RALA: variants seen among roughly 807,000 people sequenced by gnomAD.
RALA encodes the protein RAS like proto-oncogene A.
In RALA, 5 loss-of-function variants were observed where a neutral mutation model predicts 24.0. That is an observed-to-expected ratio of 0.21 (90% CI 0.11 to 0.44). RALA has a LOEUF of 0.44. Ranked by LOEUF, RALA falls within the 20% of genes least tolerant of loss-of-function variation. RALA has a pLI of 0.99. For synonymous variants in RALA, 77 were observed against 83.8 expected, an observed-to-expected ratio of 0.92 and a Z score of 0.44; for missense variants, 95 against 241.2, an observed-to-expected ratio of 0.39 and a Z score of 4.01.
chr7:39,683,965 A>G (rs1478464583), intron 1 of RALA, among the ~76,000 whole-genome samples: 1 of 152,200 alleles, frequency 6.6e-6, no homozygotes, highest in Non-Finnish European at 1.5e-5. Flanking sequence ...TAGCTGTGAC[A>G]TGATTATAAC....
In RALA at chr7:39,635,624, G is replaced by A. The variant is rs529187299; in HGVS notation, c.-38+11799G>A. On this transcript the variant is annotated intron_variant, in intron 1 of 4. Coordinates refer to ENST00000005257, the MANE Select transcript of RALA (RefSeq NM_005402.4). ...GAAGACAGTTTTTCCACGGACCAGG[G>A]GAAATGGGGAGGAGGATGGCGTTGG... Among the ~76,000 whole-genome samples the A allele has an allele frequency of 1.5e-3, 223 of 152,268 alleles. 1 individual carries two copies. Among genetic ancestry groups the A allele is most frequent in the African/African-American group, 5.3e-3 (219 of 41,546 alleles).
intron 1 of RALA, among the ~76,000 whole-genome samples, chr7:39,655,865 T>C (rs1458066771): frequency 6.6e-6 from 1 of 152,134 alleles, no homozygotes; most frequent in Non-Finnish European, 1.5e-5. Flanking sequence ...TCAAGGCATA[T>C]AAGGATTAAG....
At chr7:39,688,756 G>T (rs561700516) in intron 2 of RALA, among the ~76,000 whole-genome samples, 257 of 152,118 alleles carry the variant, frequency 1.7e-3, no homozygotes, top group Middle Eastern at 0.014. Flanking sequence ...GTATATTTTT[G>T]TAGCGACGGG....
At chr7:39,694,038 T>A (rs1470887275) in intron 3 of RALA, among the ~76,000 whole-genome samples, 5 of 152,244 alleles carry the variant, frequency 3.3e-5, no homozygotes, top group African/African-American at 9.6e-5. Flanking sequence ...TACCTCATAC[T>A]CATGCAGCAC....
chr7:39,696,931 C>G, intron 4 of RALA, 72 bp downstream of exon 4: 1 of 1,386,950 alleles, frequency 7.2e-7, no homozygotes, highest in East Asian at 2.3e-5. Flanking sequence ...TCCATTTTGT[C>G]TGGAGAGTCT....
At chr7:39,700,607 T>G (rs1793010695) in intron 4 of RALA, 3 of 147,684 alleles carry the variant, frequency 2.0e-5, no homozygotes, top group African/African-American at 8.0e-5. Context: ...ATTCTACAGG[T>G]TGGAGATAGT....
rs148659931 is a variant in RALA at position 39,645,044 on chromosome 7, C to T, written c.-38+21219C>T. ...CTTTCTTTACAGTGATGGATTAAGC[C>T]GGTTTGATGCAATCAGACTTTTTGA... On this transcript the variant is annotated intron_variant, in intron 1 of 4. Transcript: ENST00000005257. Among the ~76,000 whole-genome samples, 16 of 152,242 alleles carry T rather than the reference C, an allele frequency of 1.1e-4. No homozygotes were observed. The East Asian group carries it at 1.7e-3, about 17-fold the overall frequency.
chr7:39,684,431 A>C (rs1374105840), intron 1 of RALA, among the ~76,000 whole-genome samples: 2 of 152,098 alleles, frequency 1.3e-5, no homozygotes, highest in Non-Finnish European at 2.9e-5. Context: ...GATTTTTCTT[A>C]ATACTTTTAT....
intron 3 of RALA, among the ~76,000 whole-genome samples, chr7:39,695,668 T>G (rs945174338): frequency 5.3e-5 from 8 of 152,128 alleles, no homozygotes; most frequent in Admixed American, 2.0e-4. Flanking sequence ...CCTCCCAAAG[T>G]GCTGGGTTTA....
intron 1 of RALA, among the ~76,000 whole-genome samples, chr7:39,647,923 G>A (rs1006620189): frequency 3.9e-5 from 6 of 152,198 alleles, no homozygotes; most frequent in Non-Finnish European, 7.3e-5. Flanking sequence ...ATTGAAAACA[G>A]AGATAACTTT....
chr7:39,675,656 G>T (rs184549727), intron 1 of RALA, among the ~76,000 whole-genome samples: 3 of 151,558 alleles, frequency 2.0e-5, no homozygotes, highest in East Asian at 3.9e-4. Flanking sequence ...AGCCCAGCAG[G>T]TCAAGTCTGC....
At chr7:39,642,718 C>T (rs1791840988) in intron 1 of RALA, among the ~76,000 whole-genome samples, 1 of 152,164 alleles carries the variant, frequency 6.6e-6, no homozygotes, top group Non-Finnish European at 1.5e-5. Context: ...TGTGACTTCT[C>T]TTTATTCCTT....
chr7:39,640,974 T>G (rs1791804709), intron 1 of RALA, among the ~76,000 whole-genome samples: 1 of 152,166 alleles, frequency 6.6e-6, no homozygotes, highest in African/African-American at 2.4e-5. Flanking sequence ...CACCTTTATC[T>G]CCAGATTCAG....
At chr7:39,691,869 G>C (rs1473885463) in intron 3 of RALA, among the ~76,000 whole-genome samples, 2 of 152,172 alleles carry the variant, frequency 1.3e-5, no homozygotes, top group Non-Finnish European at 2.9e-5. Context: ...GCAGATATTT[G>C]AGTGCTTATA....
At chr7:39,698,335 C>T (rs1381559167) in intron 4 of RALA, among the ~76,000 whole-genome samples, 1 of 152,098 alleles carries the variant, frequency 6.6e-6, no homozygotes, top group Non-Finnish European at 1.5e-5. Context: ...TCCTGGGAAC[C>T]ATGGTTTCTG....
intron 1 of RALA, among the ~76,000 whole-genome samples, chr7:39,685,126 G>C (rs1156235313): frequency 1.3e-5 from 2 of 152,210 alleles, no homozygotes; most frequent in African/African-American, 2.4e-5. Flanking sequence ...TTGTGATAAG[G>C]ATTATGAAGG....
chr7:39,644,516 C>A (rs1218193339), intron 1 of RALA, among the ~76,000 whole-genome samples: 1 of 152,074 alleles, frequency 6.6e-6, no homozygotes, highest in Non-Finnish European at 1.5e-5. Context: ...TATGTGAATA[C>A]TTTTAAAATT....
At chr7:39,653,758 G>T (rs1251350550) in intron 1 of RALA, among the ~76,000 whole-genome samples, 1 of 152,064 alleles carries the variant, frequency 6.6e-6, no homozygotes, top group African/African-American at 2.4e-5. Flanking sequence ...TAATTTGTTT[G>T]TAGTACATTG....
At chr7:39,699,121 A>AT (rs71560137) in intron 4 of RALA, among the ~76,000 whole-genome samples, 7,065 of 61,128 alleles carry the variant, frequency 0.12, 2,152 homozygotes, top group South Asian at 0.15. Flanking sequence ...TAAAAATGTT[A>AT]TTTTTTTTTT....
Sources: allele counts gnomAD v4.1 joint callset (sites outside exome capture counted in the v4.1 genomes callset), GRCh38; gene constraint gnomAD v4.1.1; transcripts MANE v1.5; gene names NCBI Gene and HGNC (gene_info 2026-07-23, HGNC 2026-07-21).